The following CEP295 variants were observed in gnomAD, a reference collection of about 807,000 sequenced individuals.
CEP295 encodes centrosomal protein 295, also known as centrosomal protein of 295 kDa.
Under a neutral mutation model 291.6 loss-of-function variants are expected in CEP295, and 190 were observed. That is an observed-to-expected ratio of 0.65 (90% confidence interval 0.58 to 0.73). The LOEUF (loss-of-function observed/expected upper bound fraction) is 0.73, where lower values mean the gene tolerates loss of function less well. Among genes scored for constraint, CEP295 ranks in the 30% least tolerant of loss-of-function variants. The probability of loss-of-function intolerance (pLI) is 0.00; values close to 1 mark genes in which losing one functional copy is unlikely to be tolerated. For missense variants in CEP295, 2,863 were observed against 2,949.4 expected (o/e 0.97, Z 0.68); for synonymous variants, 993 against 1,038.8 (o/e 0.96, Z 0.85).
At chr11:93,725,882 C>A in intron 23 of CEP295, 51 bp downstream of exon 23, 1 of 1,459,888 alleles carries the variant, frequency 6.8e-7, no homozygotes, top group Non-Finnish European at 9.4e-7. Flanking sequence ...TTTTTTACAT[C>A]CATTTCCTTA....
At chr11:93,700,376 A>G (rs921655275) in intron 15 of CEP295, among the ~76,000 whole-genome samples, 190 bp downstream of exon 15, 1 of 151,988 alleles carries the variant, frequency 6.6e-6, no homozygotes, top group Admixed American at 6.6e-5. Context: ...TTATGAGGTT[A>G]ATAGTTACGT....
intron 9 of CEP295, among the ~76,000 whole-genome samples, chr11:93,686,290 G>A (rs1246328958): frequency 6.7e-6 from 1 of 149,972 alleles, no homozygotes; most frequent in Non-Finnish European, 1.5e-5. Flanking sequence ...CTGCACTCCA[G>A]CCTGGGCAAC....
rs117493937 is a variant in CEP295 at position 93,727,695 on chromosome 11, T to C, written c.7161+58T>C. 367 of 1,361,302 alleles carry C rather than the reference T, an allele frequency of 2.7e-4. 2 individuals are homozygous for C. In the East Asian group the frequency reaches 9.1e-3, roughly 34 times the overall value. 84.3% of individuals were successfully genotyped at this position (1,361,302 alleles called of 1,614,324 possible). The stretch of plus-strand genomic sequence containing the variant: ...TAAATTCCTTTTTGGGAAAAAACTT[T>C]TTTCTTCTAAAATTAGAGATGAAGT... On this transcript the variant is annotated intron_variant, in intron 24 of 29. Transcript: ENST00000325212.
In CEP295 at chr11:93,662,155, G is replaced by A. The variant is rs79367410; in HGVS notation, c.-27+381G>A. Among the ~76,000 whole-genome samples the A allele has an allele frequency of 1.8e-3, 277 of 152,338 alleles. 11 individuals are homozygous for A. The East Asian group carries it at 0.051, about 28-fold the overall frequency. ...CTGTTAAAAGAGCCTTGCCTGGATC[G>A]TTTCATGCAAAGAGCACGCTCTCTT... On this transcript the variant is annotated intron_variant, in intron 1 of 29. Transcript: ENST00000325212.
In CEP295 at chr11:93,727,555, C is replaced by A. The variant is rs777970521; in HGVS notation, c.7079C>A (p.Thr2360Asn). ...GCTGAAACAGACATTCCAAAAATCA[C>A]CAAAAAACTATCTCAACTAGGAGAA... ...NSAETDIPKI[T>N]KKLSQLGESE... The change falls in exon 24 of 30, where the codon ACC (threonine) becomes AAC (asparagine). Residue 2360 changes from threonine (T) to asparagine (N), a missense_variant. Around this residue, in one of 3 missense-constraint regions of CEP295, gnomAD observed 2,295 missense variants for 2,335.7 expected, o/e 0.98. Transcript: ENST00000325212. 6.4e-7 allele frequency: 1 copy of A among 1,551,402 alleles called. No individual in the cohort carries two copies. The highest frequency in any genetic ancestry group is 8.7e-7 in the Non-Finnish European group (1 of 1,146,882).
chr11:93,665,086 C>T (rs1950146968), intron 1 of CEP295, among the ~76,000 whole-genome samples: 1 of 152,084 alleles, frequency 6.6e-6, no homozygotes, highest in Non-Finnish European at 1.5e-5. Context: ...CAGAGGACAG[C>T]TTCGTAGAGG....
rs1951989341 is a variant in CEP295, at chr11:93,698,894, C to T, written c.3982C>T (p.Leu1328Phe). The T allele has an allele frequency of 1.3e-6, 2 of 1,551,652 alleles. No homozygotes were observed. The highest frequency in any genetic ancestry group is 1.7e-6 in the Non-Finnish European group (2 of 1,146,976). The change falls in exon 15 of 30, where the codon CTT becomes TTT. Residue 1328 changes from leucine (L) to phenylalanine (F), a missense_variant. Around this residue, in one of 3 missense-constraint regions of CEP295, gnomAD observed 2,295 missense variants for 2,335.7 expected, o/e 0.98. Coordinates refer to ENST00000325212, the MANE Select transcript of CEP295 (RefSeq NM_033395.2). The part of the protein sequence containing the change: ...ESESKIFSSH[L>F]QIPQLQDRLL... ...TGAAAGTAAAATTTTTTCAAGCCAC[C>T]TTCAGATCCCACAATTGCAGGATAG...
chr11:93,691,706 A>G lies in CEP295; in HGVS notation c.1360A>G (p.Ile454Val), dbSNP rs779957232. The part of the protein sequence containing the change: ...EQVVESDTLT[I>V]ESGPLASEDK... ...AGTTGTTGAAAGTGATACACTAACA[A>G]TTGAGTCTGGACCACTTGCTAGTGA... Residue 454 changes from isoleucine (I) to valine (V), a missense_variant, in exon 11 of 30, where the codon ATT becomes GTT. Transcript: ENST00000325212. 3.1e-5 allele frequency: 48 copies of G among 1,544,688 alleles called. No individual in the cohort carries two copies. The Admixed American group carries it at 6.6e-4, about 21-fold the overall frequency.
Position 93,698,056 on chromosome 11 carries a change from G to T in CEP295, c.3144G>T (p.Gln1048His). Reference protein sequence around the residue: ...ISQDGSLSFLQQFLPLHDSLK... With the variant: ...ISQDGSLSFLHQFLPLHDSLK... ...AGGATGGGTCTTTGAGTTTCCTACAGCAGTTCCTACCTCTACATGATAGTT... is the reference window on the plus strand; with the variant it reads ...AGGATGGGTCTTTGAGTTTCCTACATCAGTTCCTACCTCTACATGATAGTT... Residue 1048 changes from glutamine (Q) to histidine (H), a missense_variant, in exon 15 of 30, where the codon CAG becomes CAT. Transcript: ENST00000325212. 6.4e-7 allele frequency: 1 copy of T among 1,551,848 alleles called. No individual in the cohort carries two copies. Among genetic ancestry groups the T allele is most frequent in the South Asian group, 1.2e-5 (1 of 84,058 alleles).
At position 93,696,421 on chromosome 11, in the gene CEP295, T is replaced by A. The variant is rs774695478; in HGVS notation, c.1769+4T>A. ...ATCAGCTTTTACAACAAAACAGGTATTAGCTAGGGTATAATTTATATGTGA... is the reference window on the plus strand; with the variant it reads ...ATCAGCTTTTACAACAAAACAGGTAATAGCTAGGGTATAATTTATATGTGA... On this transcript the variant is annotated splice_donor_region_variant and intron_variant, in intron 14 of 29. Transcript: ENST00000325212. 2.7e-6 allele frequency: 4 copies of A among 1,484,040 alleles called. No homozygotes were observed. Among genetic ancestry groups the A allele is most frequent in the East Asian group, 4.9e-5 (2 of 40,610 alleles). 91.9% of individuals were successfully genotyped at this position (1,484,040 alleles called of 1,614,324 possible). A position where few individuals can be genotyped will look rare whatever the true frequency, so the allele number is the denominator to read the frequency against.
At chr11:93,686,665 A>G (rs192702913) in intron 9 of CEP295, among the ~76,000 whole-genome samples, 112 of 152,308 alleles carry the variant, frequency 7.4e-4, no homozygotes, top group African/African-American at 2.6e-3. Flanking sequence ...GAAGGTTTTA[A>G]AAAAACAGGC....
Position 93,698,450 on chromosome 11 carries a change from A to G in CEP295, c.3538A>G (p.Lys1180Glu). ...SQIQRVILGA[K>E]EGTQEFVHTE... ...AATACAAAGGGTAATACTTGGTGCT[A>G]AAGAAGGAACTCAGGAATTTGTACA... Residue 1180 changes from lysine (K) to glutamate (E), a missense_variant, in exon 15 of 30, where the codon AAA becomes GAA. Physicochemically the swap from Lys to Glu is moderately conservative, Grantham distance 56. Around this residue, in one of 3 missense-constraint regions of CEP295, gnomAD observed 2,295 missense variants for 2,335.7 expected, o/e 0.98. Coordinates refer to ENST00000325212, the MANE Select transcript of CEP295 (RefSeq NM_033395.2). 1 of 1,552,048 alleles carries G rather than the reference A, an allele frequency of 6.4e-7. No individual in the cohort carries two copies. The highest frequency in any genetic ancestry group is 8.7e-7 in the Non-Finnish European group (1 of 1,147,048).
chr11:93,699,853 A>G lies in CEP295; in HGVS notation c.4941A>G (p.Leu1647=). The G allele has an allele frequency of 6.4e-7, 1 of 1,552,154 alleles. No individual in the cohort carries two copies. The highest frequency in any genetic ancestry group is 8.7e-7 in the Non-Finnish European group (1 of 1,147,052). The part of the protein sequence containing the change: ...SAEHTIPSLF[L]PKETEHSFIP... ...AGCATACTATCCCCTCTTTGTTTCT[A>G]CCCAAGGAAACAGAGCATTCGTTTA... Residue 1647 remains leucine (L), a synonymous_variant, in exon 15 of 30, where the codon CTA becomes CTG. Coordinates refer to ENST00000325212, the MANE Select transcript of CEP295 (RefSeq NM_033395.2).
chr11:93,689,914 G>A (rs1951432904), intron 10 of CEP295, among the ~76,000 whole-genome samples: 2 of 152,158 alleles, frequency 1.3e-5, no homozygotes, highest in Admixed American at 1.3e-4. Flanking sequence ...AAAGCCATGG[G>A]CATAGAAAAC....
intron 1 of CEP295, among the ~76,000 whole-genome samples, chr11:93,664,262 A>G (rs1950113385): frequency 6.6e-6 from 1 of 152,142 alleles, no homozygotes; most frequent in Non-Finnish European, 1.5e-5. Context: ...CTCACTCTCA[A>G]AAAACAACAG....
chr11:93,693,848 A>G (rs1034964812), intron 12 of CEP295, among the ~76,000 whole-genome samples: 2 of 152,286 alleles, frequency 1.3e-5, no homozygotes, highest in African/African-American at 4.8e-5. Flanking sequence ...GAAATGTTTT[A>G]TATCTATGTA....
chr11:93,716,592 G>A (rs1279515841), intron 18 of CEP295, among the ~76,000 whole-genome samples: 2 of 152,182 alleles, frequency 1.3e-5, no homozygotes, highest in African/African-American at 4.8e-5. Flanking sequence ...CAGACTCAAC[G>A]TCTAAAGACT....
intron 12 of CEP295, among the ~76,000 whole-genome samples, chr11:93,692,532 G>A (rs943241658): frequency 3.3e-5 from 5 of 151,962 alleles, no homozygotes; most frequent in African/African-American, 7.3e-5. Flanking sequence ...CACGATCATC[G>A]CTCACTGCAG....
chr11:93,725,801 C>T lies in CEP295; in HGVS notation c.6469C>T (p.His2157Tyr). The stretch of plus-strand genomic sequence containing the variant: ...CACTAACTTGGCTCATGTTGGAGCT[C>T]ACAGTTTTGCTACAGAAAATATTAT... ...PDTNLAHVGA[H>Y]SFATENIIGG... The change falls in exon 23 of 30, where the codon CAC (histidine) becomes TAC (tyrosine). Residue 2157 changes from histidine (H) to tyrosine (Y), a missense_variant. Around this residue, in one of 3 missense-constraint regions of CEP295, gnomAD observed 2,295 missense variants for 2,335.7 expected, o/e 0.98. Coordinates refer to ENST00000325212, the MANE Select transcript of CEP295 (RefSeq NM_033395.2). The T allele has an allele frequency of 6.4e-7, 1 of 1,551,078 alleles. No homozygotes were observed. The highest frequency in any genetic ancestry group is 2.4e-5 in the East Asian group (1 of 40,894).
Sources: gnomAD v4.1 joint callset for allele counts (sites outside exome capture counted in the v4.1 genomes callset) on GRCh38, gnomAD v4.1.1 for gene constraint, gnomAD v4.1.1 regional missense constraint, MANE v1.5 for transcripts, NCBI Gene and HGNC (gene_info 2026-07-23, HGNC 2026-07-21) for gene names.